Variants in FARS2 observed in about 807,000 individuals in gnomAD.
The protein encoded by FARS2 is phenylalanine--tRNA ligase, mitochondrial.
A neutral mutation model predicts 46.4 loss-of-function variants in FARS2; 40 were observed. That is an observed-to-expected ratio of 0.86 (90% CI 0.67 to 1.12). The LOEUF (loss-of-function observed/expected upper bound fraction) is 1.12. FARS2 is among the 50% of genes most tolerant of loss of function. The probability of loss-of-function intolerance (pLI) is 0.00; values close to 1 mark genes in which losing one functional copy is unlikely to be tolerated. For synonymous variants in FARS2, 234 were observed against 214.9 expected (o/e 1.09, Z -0.78); for missense variants, 513 against 567.9 (o/e 0.90, Z 0.98).
At chr6:5,751,408 G>A (rs1259318047) in intron 6 of FARS2, among the ~76,000 whole-genome samples, 1 of 152,130 alleles carries the variant, frequency 6.6e-6, no homozygotes, top group Non-Finnish European at 1.5e-5. Context: ...TTCCTGTTGG[G>A]CAAAAAGCAA....
At position 5,398,697 on chromosome 6, in the gene FARS2, G is replaced by A. The variant is rs116464713; in HGVS notation, c.613-5845G>A. 5.2e-3 allele frequency among the ~76,000 whole-genome samples: 789 copies of A among 152,166 alleles called. 9 individuals are homozygous for A. Among genetic ancestry groups the A allele is most frequent in the African/African-American group, 0.018 (746 of 41,526 alleles). On this transcript the variant is annotated intron_variant, in intron 2 of 6. Transcript: ENST00000274680. ...AATACATATACCTACTTCTATTTCC[G>A]TATTGATGTATCTGCATATATGTTA...
intron 5 of FARS2, among the ~76,000 whole-genome samples, chr6:5,585,993 A>G (rs1200813289): frequency 6.6e-6 from 1 of 152,146 alleles, no homozygotes; most frequent in African/African-American, 2.4e-5. Context: ...GAAGCAGCGT[A>G]CTATTTTCCA....
chr6:5,525,851 G>A (rs1452128429), intron 4 of FARS2, among the ~76,000 whole-genome samples: 1 of 152,254 alleles, frequency 6.6e-6, no homozygotes. Flanking sequence ...TTCTGTTGGT[G>A]TAGATAGTTG....
intron 2 of FARS2, among the ~76,000 whole-genome samples, chr6:5,398,168 CATA>C (rs1411063434): frequency 6.6e-6 from 1 of 152,130 alleles, no homozygotes; most frequent in Non-Finnish European, 1.5e-5. Flanking sequence ...AAATAGTTCT[CATA>C]ATATTTTGCC....
At chr6:5,538,387 G>T (rs1349602087) in intron 4 of FARS2, among the ~76,000 whole-genome samples, 1 of 152,148 alleles carries the variant, frequency 6.6e-6, no homozygotes, top group Non-Finnish European at 1.5e-5. Context: ...AGGAAATGCG[G>T]ATAAGAAAAT....
chr6:5,623,923 A>G (rs563739264), intron 6 of FARS2, among the ~76,000 whole-genome samples: 9 of 152,254 alleles, frequency 5.9e-5, no homozygotes, highest in African/African-American at 1.9e-4. Flanking sequence ...GAACTTAAAG[A>G]TAGCCTAGCG....
chr6:5,325,363 C>T (rs1455112915), intron 1 of FARS2, among the ~76,000 whole-genome samples: 3 of 152,244 alleles, frequency 2.0e-5, no homozygotes, highest in African/African-American at 7.2e-5. Flanking sequence ...GCTAAGTGCA[C>T]CTAGCGGGCA....
At chr6:5,391,590 G>T (rs1019526414) in intron 2 of FARS2, among the ~76,000 whole-genome samples, 1 of 151,858 alleles carries the variant, frequency 6.6e-6, no homozygotes, top group Non-Finnish European at 1.5e-5. Context: ...TTAATGGCTG[G>T]TATAAAAATG....
chr6:5,587,797 A>G (rs1462340006), intron 5 of FARS2, among the ~76,000 whole-genome samples: 4 of 152,150 alleles, frequency 2.6e-5, no homozygotes, highest in Non-Finnish European at 5.9e-5. Context: ...CCTTGTTCAG[A>G]TCTCCATTGT....
Position 5,731,644 on chromosome 6 carries a change from C to T in FARS2, c.1218-39647C>T, listed in dbSNP as rs139994711. Among the ~76,000 whole-genome samples the T allele has an allele frequency of 6.5e-4, 99 of 152,310 alleles. 1 individual carries two copies. Among genetic ancestry groups the T allele is most frequent in the African/African-American group, 2.4e-3 (99 of 41,562 alleles). On this transcript the variant is annotated intron_variant, in intron 6 of 6. Transcript: ENST00000274680. ...TGTCATAGCAGGGCAGAAGCCAGGG[C>T]GTATCGTGTACTTGGAGCTCAAAGT...
intron 1 of FARS2, among the ~76,000 whole-genome samples, chr6:5,337,835 G>A (rs1041485860): frequency 1.3e-5 from 2 of 152,138 alleles, no homozygotes; most frequent in African/African-American, 4.8e-5. Flanking sequence ...ATGATTGGCT[G>A]TAAAGTGCCT....
intron 1 of FARS2, among the ~76,000 whole-genome samples, chr6:5,351,535 A>C (rs1391335704): frequency 6.6e-6 from 1 of 152,148 alleles, no homozygotes; most frequent in Non-Finnish European, 1.5e-5. Context: ...ATATTGACAG[A>C]GATTAACTGA....
intron 6 of FARS2, among the ~76,000 whole-genome samples, chr6:5,742,141 C>T (rs1582865558): frequency 6.6e-6 from 1 of 152,040 alleles, no homozygotes; most frequent in Non-Finnish European, 1.5e-5. Context: ...CAGCTTTTGC[C>T]CCAGGATTGC....
intron 5 of FARS2, among the ~76,000 whole-genome samples, chr6:5,578,105 T>G (rs1046241579): frequency 2.0e-5 from 3 of 152,196 alleles, no homozygotes; most frequent in Non-Finnish European, 2.9e-5. Context: ...TATTGTGTTC[T>G]CTTGCAAATA....
intron 1 of FARS2, among the ~76,000 whole-genome samples, chr6:5,304,973 T>A (rs1034290319): frequency 9.9e-5 from 15 of 152,210 alleles, no homozygotes; most frequent in Admixed American, 9.8e-4. Flanking sequence ...TCAAAGGAGC[T>A]TGGTAGGAGC....
intron 1 of FARS2, among the ~76,000 whole-genome samples, chr6:5,305,316 T>C (rs2127539951): frequency 6.6e-6 from 1 of 152,322 alleles, no homozygotes; most frequent in African/African-American, 2.4e-5. Flanking sequence ...TTGTATTGTA[T>C]ATGATGTACG....
intron 6 of FARS2, among the ~76,000 whole-genome samples, chr6:5,717,921 T>TAGAGAGAGAGAGAGAGAGAGAGAGAG (rs1561818430): frequency 6.6e-5 from 2 of 30,506 alleles, no homozygotes; most frequent in African/African-American, 5.7e-4. Context: ...TATATATATA[T>TAGAGAGAGAGAGAGAGAGAGAGAGAG]ATATATATAT....
intron 4 of FARS2, among the ~76,000 whole-genome samples, chr6:5,500,698 T>C (rs570003902): frequency 6.6e-6 from 1 of 152,228 alleles, no homozygotes; most frequent in African/African-American, 2.4e-5. Flanking sequence ...CAGAGTGCTT[T>C]GGTTGTAAGC....
intron 1 of FARS2, among the ~76,000 whole-genome samples, chr6:5,338,511 G>T (rs1771320496): frequency 6.6e-6 from 1 of 152,128 alleles, no homozygotes; most frequent in Non-Finnish European, 1.5e-5. Flanking sequence ...TGTCCAGGTT[G>T]CCTTGACCGC....
Sources: allele counts gnomAD v4.1 joint callset (sites outside exome capture counted in the v4.1 genomes callset), GRCh38; gene constraint gnomAD v4.1.1; transcripts MANE v1.5; gene names NCBI Gene and HGNC (gene_info 2026-07-23, HGNC 2026-07-21).